The following GCAT variants were observed in gnomAD, a reference collection of about 807,000 sequenced individuals.
The protein encoded by GCAT is 2-amino-3-ketobutyrate coenzyme A ligase, mitochondrial.
In GCAT, 26 loss-of-function variants were observed where a neutral mutation model predicts 39.7. The observed-to-expected ratio is 0.65, with a 90% CI of 0.48 to 0.91. The LOEUF is 0.91. Among genes scored for constraint, GCAT ranks in the 40% least tolerant of loss-of-function variants. The pLI is 0.00. For synonymous variants in GCAT, 218 were observed against 237.2 expected (o/e 0.92, Z 0.74); for missense variants, 550 against 576.2 (o/e 0.95, Z 0.47).
chr22:37,813,579 C>T lies in GCAT; in HGVS notation c.546C>T (p.Ala182=), dbSNP rs61737836. The T allele has an allele frequency of 2.0e-3, 3,203 of 1,612,150 alleles. 62 individuals carry two copies. The African/African-American group carries it at 0.038, about 19-fold the overall frequency. Residue 182 remains alanine (A), a synonymous_variant, in exon 4 of 9, where the codon GCC becomes GCT. Coordinates refer to ENST00000248924, the MANE Select transcript of GCAT (RefSeq NM_014291.4). The stretch of plus-strand genomic sequence containing the variant: ...ACCGCTATCGCCACCTGGACATGGC[C>T]GACCTAGAAGCCAAGCTGCAGGAGG... The part of the protein sequence containing the change: ...HKYRYRHLDM[A]DLEAKLQEAQ...
At chr22:37,813,730 G>A in intron 4 of GCAT, 121 bp downstream of exon 4, 1 of 903,254 alleles carries the variant, frequency 1.1e-6, no homozygotes, top group South Asian at 1.8e-5. Context: ...ATTTGTCCAA[G>A]ATGTGAACCC....
At chr22:37,815,010 C>T (rs961310739) in intron 4 of GCAT, 116 bp from the exon 5 acceptor site, 5 of 971,540 alleles carry the variant, frequency 5.1e-6, no homozygotes, top group East Asian at 4.9e-5. Context: ...ACCTCTGTGC[C>T]CACCTCTGTG....
chr22:37,815,211 C>T lies in GCAT; in HGVS notation c.662C>T (p.Ala221Val). Residue 221 changes from alanine (A) to valine (V), a missense_variant, in exon 5 of 9, where the codon GCC becomes GTC. Transcript: ENST00000248924. ...IAPLQEICCLASRYGALVFMD... is the reference protein window; with the variant it reads ...IAPLQEICCLVSRYGALVFMD... Reference sequence around the variant, plus strand: ...CCCCTGCAGGAGATCTGCTGCCTCGCCTCTAGATATGGTGCCCTGGTCTTC... The same window carrying T: ...CCCCTGCAGGAGATCTGCTGCCTCGTCTCTAGATATGGTGCCCTGGTCTTC... The T allele has an allele frequency of 6.2e-7, 1 of 1,614,096 alleles. No homozygotes were observed. Among genetic ancestry groups the T allele is most frequent in the South Asian group, 1.1e-5 (1 of 91,074 alleles).
At chr22:37,809,885 G>C in intron 1 of GCAT, 142 bp from the exon 2 acceptor site, 1 of 1,046,164 alleles carries the variant, frequency 9.6e-7, no homozygotes, top group South Asian at 1.4e-5. Context: ...TTCTGTAGCT[G>C]TTGAATTTGG....
chr22:37,813,214 T>C (rs1055746231), intron 3 of GCAT: 1 of 654,516 alleles, frequency 1.5e-6, no homozygotes. Flanking sequence ...CTACATCAGC[T>C]GGAAGGCTGG....
chr22:37,812,797 GGTCTCTGTGGTCCTCCAA>G, intron 2 of GCAT, 72 bp from the exon 3 acceptor site: 1 of 853,034 alleles, frequency 1.2e-6, no homozygotes, highest in Non-Finnish European at 2.0e-6. Flanking sequence ...TTCTGGGTTG[GGTCTCTGTGGTCCTCCAA>G]GCCTCTGTCC....
chr22:37,816,677 G>C lies in GCAT; in HGVS notation c.1219G>C (p.Ala407Pro). Residue 407 changes from alanine (A) to proline (P), a missense_variant, in exon 9 of 9, where the codon GCC becomes CCC. Physicochemically the swap from Ala to Pro is conservative, Grantham distance 27. This residue lies in a region of GCAT where 378 missense variants were observed against 390.4 expected (regional missense o/e 0.97). Transcript: ENST00000248924. ...GGAAGACATTGACCGCTGCGTGGAG[G>C]CCTTCGTGGAAGTGGGGCGACTGCA... The part of the protein sequence containing the change: ...SEEDIDRCVE[A>P]FVEVGRLHGA... 3.1e-6 allele frequency: 5 copies of C among 1,614,122 alleles called. No individual in the cohort carries two copies. Among genetic ancestry groups the C allele is most frequent in the Non-Finnish European group, 4.2e-6 (5 of 1,180,034 alleles).
intron 2 of GCAT, among the ~76,000 whole-genome samples, chr22:37,812,652 C>A (rs944431536): frequency 6.6e-6 from 1 of 152,216 alleles, no homozygotes; most frequent in African/African-American, 2.4e-5. Context: ...TAGACTGCCA[C>A]TGTAAAACCA....
chr22:37,816,833 G>A lies in GCAT; in HGVS notation c.*115G>A. On this transcript the variant is annotated 3_prime_UTR_variant, in exon 9 of 9. Transcript: ENST00000248924. Reference sequence around the variant, plus strand: ...CCCTGAACCAAAGTCCCAGAGCTGGGCTGGGACGTGACCTGTGCTGAGGGC... The same window carrying A: ...CCCTGAACCAAAGTCCCAGAGCTGGACTGGGACGTGACCTGTGCTGAGGGC... 2 of 1,023,676 alleles carry A rather than the reference G, an allele frequency of 2.0e-6. No individual in the cohort carries two copies. The highest frequency in any genetic ancestry group is 2.9e-6 in the Non-Finnish European group (2 of 686,418). The allele number at this position is 1,023,676 out of a possible 1,614,324, so 63.4% of individuals were successfully genotyped here.
Position 37,812,875 on chromosome 22 carries a change from C to T in GCAT, c.328-12C>T, listed in dbSNP as rs1381359427. On this transcript the variant is annotated splice_polypyrimidine_tract_variant and intron_variant, in intron 2 of 8. Transcript: ENST00000248924. The stretch of plus-strand genomic sequence containing the variant: ...CACAGGCATCAACACGTGTCTCACT[C>T]ATTTTCTTCAGAGCATCCACAAGAA... The T allele has an allele frequency of 1.7e-5, 27 of 1,583,528 alleles. 1 individual carries two copies. In the Middle Eastern group the frequency reaches 7.5e-4, roughly 44 times the overall value.
chr22:37,813,157 C>T (rs951630438), intron 3 of GCAT, 169 bp downstream of exon 3: 5 of 641,928 alleles, frequency 7.8e-6, no homozygotes, highest in Non-Finnish European at 1.4e-5. Flanking sequence ...CAGGAGGAAT[C>T]CTGGGGCTTG....
Position 37,816,816 on chromosome 22 carries a change from C to T in GCAT, c.*98C>T, listed in dbSNP as rs55873659. 251 of 1,264,746 alleles carry T rather than the reference C, an allele frequency of 2.0e-4. No individual in the cohort carries two copies. The highest frequency in any genetic ancestry group is 1.4e-3 in the Admixed American group (71 of 52,038). 78.3% of individuals were successfully genotyped at this position (1,264,746 alleles called of 1,614,324 possible). A position where few individuals can be genotyped will look rare whatever the true frequency, so the allele number is the denominator to read the frequency against. ...AGACCAGAGGCTCTGAGCCCTGAAC[C>T]AAAGTCCCAGAGCTGGGCTGGGACG... On this transcript the variant is annotated 3_prime_UTR_variant, in exon 9 of 9. Coordinates refer to ENST00000248924, the MANE Select transcript of GCAT (RefSeq NM_014291.4).
chr22:37,813,273 C>T (rs558384612), intron 3 of GCAT, 190 bp from the exon 4 acceptor site: 2 of 725,348 alleles, frequency 2.8e-6, no homozygotes, highest in African/African-American at 1.7e-5. Flanking sequence ...CCTCCTCTTA[C>T]TAGAGCAGGG....
intron 4 of GCAT, among the ~76,000 whole-genome samples, chr22:37,814,177 T>C (rs1403777817): frequency 1.3e-5 from 2 of 152,226 alleles, no homozygotes; most frequent in Admixed American, 1.3e-4. Flanking sequence ...CATAGCTCAC[T>C]GCAGCCTCAA....
chr22:37,814,128 TCTCA>T (rs1344987975), intron 4 of GCAT, among the ~76,000 whole-genome samples: 1 of 152,156 alleles, frequency 6.6e-6, no homozygotes, highest in African/African-American at 2.4e-5. Context: ...TGTGTGACAG[TCTCA>T]CTCTGTTGCC....
intron 4 of GCAT, among the ~76,000 whole-genome samples, chr22:37,814,440 T>C (rs922359233): frequency 1.3e-5 from 2 of 152,070 alleles, no homozygotes; most frequent in Non-Finnish European, 2.9e-5. Flanking sequence ...ATTTTCTATT[T>C]TTAGTAGAGA....
In GCAT at chr22:37,815,454, C is replaced by A; in HGVS notation, c.768C>A (p.Val256=). 6.2e-7 allele frequency: 1 copy of A among 1,610,390 alleles called. No individual in the cohort carries two copies. Among genetic ancestry groups the A allele is most frequent in the South Asian group, 1.1e-5 (1 of 90,566 alleles). Residue 256 remains valine (V), a synonymous_variant, in exon 6 of 9, where the codon GTC becomes GTA. Coordinates refer to ENST00000248924, the MANE Select transcript of GCAT (RefSeq NM_014291.4). ...TDELLGVMDQ[V]TIINSTLGKA... is the part of the protein sequence containing the mutation. ...AGCTGCTGGGTGTGATGGACCAGGT[C>A]ACCATCATCAACTCCACCCTGGGGA...
chr22:37,816,545 C>T (rs1220860914), intron 8 of GCAT, 22 bp from the exon 9 acceptor site: 1 of 1,613,874 alleles, frequency 6.2e-7, no homozygotes, highest in Admixed American at 1.7e-5. Flanking sequence ...TTCTGGCACG[C>T]CCTTGCTTTC....
intron 2 of GCAT, 116 bp downstream of exon 2, chr22:37,810,273 C>G: frequency 1.3e-6 from 1 of 772,462 alleles, no homozygotes; most frequent in Non-Finnish European, 2.2e-6. Context: ...TACTGTTGGC[C>G]TCAGAGCTGT....
Sources: gnomAD v4.1 joint callset for allele counts (sites outside exome capture counted in the v4.1 genomes callset) on GRCh38, gnomAD v4.1.1 for gene constraint, gnomAD v4.1.1 regional missense constraint, MANE v1.5 for transcripts, NCBI Gene and HGNC (gene_info 2026-07-23, HGNC 2026-07-21) for gene names.